WWOX: variants seen among roughly 807,000 people sequenced by gnomAD.
The protein encoded by WWOX is WW domain containing oxidoreductase, also known as WW domain-containing oxidoreductase.
Under a neutral mutation model 46.2 loss-of-function variants are expected in WWOX, and 69 were observed. The observed-to-expected ratio is 1.49, with a 90% confidence interval of 1.23 to 1.82. The LOEUF (loss-of-function observed/expected upper bound fraction) is 1.82. Ranked by LOEUF, WWOX falls within the 40% of genes most tolerant of loss-of-function variation. The pLI, the probability that WWOX is intolerant of heterozygous loss-of-function variation, is 0.00. For missense variants in WWOX, 919 were observed against 542.6 expected (o/e 1.69, Z -6.89); for synonymous variants, 359 against 202.6 (o/e 1.77, Z -6.56).
At chr16:78,615,490 A>T (rs1176966845) in intron 8 of WWOX, among the ~76,000 whole-genome samples, 1 of 151,878 alleles carries the variant, frequency 6.6e-6, no homozygotes, top group Non-Finnish European at 1.5e-5. Context: ...TCTACTATAA[A>T]TTTAAAAATT....
intron 8 of WWOX, among the ~76,000 whole-genome samples, chr16:78,835,446 G>A (rs1261682621): frequency 1.3e-5 from 2 of 152,142 alleles, no homozygotes; most frequent in Non-Finnish European, 2.9e-5. Flanking sequence ...TGTTACAAGC[G>A]CCCATGAGCA....
chr16:78,522,143 T>TAA (rs76799048), intron 8 of WWOX, among the ~76,000 whole-genome samples: 3,894 of 136,636 alleles, frequency 0.028, 103 homozygotes, highest in African/African-American at 0.06. Flanking sequence ...TGGAAGGCTT[T>TAA]AAAAAAAAAA....
At chr16:78,966,327 G>C (rs1218514668) in intron 8 of WWOX, among the ~76,000 whole-genome samples, 1 of 152,096 alleles carries the variant, frequency 6.6e-6, no homozygotes, top group East Asian at 1.9e-4. Flanking sequence ...GGAAAACAGT[G>C]CTTCTTTCCG....
intron 5 of WWOX, among the ~76,000 whole-genome samples, chr16:78,341,923 C>G: frequency 8.6e-6 from 1 of 115,716 alleles, no homozygotes; most frequent in Non-Finnish European, 2.0e-5. Context: ...GAAGACTAGC[C>G]TTGGCAACAT....
intron 8 of WWOX, among the ~76,000 whole-genome samples, chr16:78,445,395 G>T (rs1230363267): frequency 6.6e-6 from 1 of 152,176 alleles, no homozygotes; most frequent in East Asian, 1.9e-4. Context: ...ATATTATTGA[G>T]CATCTAACAT....
chr16:78,769,164 G>T (rs1291612686), intron 8 of WWOX, among the ~76,000 whole-genome samples: 1 of 152,196 alleles, frequency 6.6e-6, no homozygotes, highest in Non-Finnish European at 1.5e-5. Context: ...AGGTTAAATG[G>T]AAATTATGTA....
In WWOX at chr16:78,825,218, T is replaced by A. The variant is rs79831348; in HGVS notation, c.1057-386390T>A. On this transcript the variant is annotated intron_variant, in intron 8 of 8. Transcript: ENST00000566780. ...CGTCTTCTTACTGCACTGTCCTGAC[T>A]TGCTCTAGTGAGATCTAAGAGAGGC... 776 of 207,386 alleles carry A rather than the reference T, an allele frequency of 3.7e-3. 9 individuals are homozygous for A. Among genetic ancestry groups the A allele is most frequent in the African/African-American group, 0.017 (730 of 43,208 alleles). The allele number at this position is 207,386 out of a possible 1,614,324, so 12.8% of individuals were successfully genotyped here.
At chr16:78,108,313 A>AC (rs1164936821) in intron 1 of WWOX, 110 bp from the exon 2 acceptor site, 2 of 1,102,946 alleles carry the variant, frequency 1.8e-6, no homozygotes, top group African/African-American at 3.2e-5. Context: ...TCTTCCCCCT[A>AC]CTTCCTTCTT....
chr16:78,576,664 C>G (rs188158771), intron 8 of WWOX, among the ~76,000 whole-genome samples: 3 of 152,258 alleles, frequency 2.0e-5, no homozygotes, highest in Admixed American at 1.3e-4. Context: ...GAGACCCTGT[C>G]TCTACTCACA....
intron 8 of WWOX, among the ~76,000 whole-genome samples, chr16:78,540,531 A>T (rs968307475): frequency 2.0e-5 from 3 of 152,148 alleles, no homozygotes; most frequent in Admixed American, 2.0e-4. Context: ...GATAAACAAC[A>T]TGTCATTTTA....
At chr16:78,425,184 T>A in intron 7 of WWOX, 129 bp downstream of exon 7, 1 of 1,271,256 alleles carries the variant, frequency 7.9e-7, no homozygotes, top group Non-Finnish European at 1.1e-6. Context: ...TCAGCTTGGC[T>A]CACTTAATTT....
At chr16:78,195,642 C>G (rs765271621) in intron 5 of WWOX, among the ~76,000 whole-genome samples, 2 of 151,766 alleles carry the variant, frequency 1.3e-5, no homozygotes, top group Non-Finnish European at 1.5e-5. Context: ...AGCAACATGA[C>G]GAAACCCTGT....
intron 8 of WWOX, among the ~76,000 whole-genome samples, chr16:78,914,161 C>G: frequency 6.6e-6 from 1 of 152,084 alleles, no homozygotes; most frequent in East Asian, 1.9e-4. Context: ...CTCACAATTT[C>G]TCTATCCCAT....
intron 5 of WWOX, among the ~76,000 whole-genome samples, chr16:78,171,348 A>G (rs1357564444): frequency 6.6e-6 from 1 of 152,190 alleles, no homozygotes; most frequent in East Asian, 1.9e-4. Flanking sequence ...CAGTGACTTT[A>G]TGAGCTGGTA....
chr16:78,796,467 C>T (rs113751010), intron 8 of WWOX, among the ~76,000 whole-genome samples: 40 of 152,342 alleles, frequency 2.6e-4, no homozygotes, highest in African/African-American at 9.1e-4. Flanking sequence ...CAACCAACTG[C>T]AAGGGATTCT....
intron 8 of WWOX, among the ~76,000 whole-genome samples, chr16:78,773,381 C>T (rs548109492): frequency 1.3e-5 from 2 of 152,172 alleles, no homozygotes; most frequent in Admixed American, 1.3e-4. Flanking sequence ...ATGGACCATC[C>T]TCTGGTCCCA....
chr16:78,760,668 C>G (rs149596615), intron 8 of WWOX, among the ~76,000 whole-genome samples: 3 of 152,122 alleles, frequency 2.0e-5, no homozygotes, highest in Non-Finnish European at 4.4e-5. Context: ...CAGCATCAGA[C>G]GGCTTGTCTC....
chr16:78,136,204 G>T lies in WWOX; in HGVS notation c.409+21050G>T, dbSNP rs553004399. 2.9e-4 allele frequency among the ~76,000 whole-genome samples: 44 copies of T among 152,226 alleles called. No individual in the cohort carries two copies. In the South Asian group the frequency reaches 8.1e-3, roughly 28 times the overall value. On this transcript the variant is annotated intron_variant, in intron 4 of 8. Transcript: ENST00000566780. The stretch of plus-strand genomic sequence containing the variant: ...TAAGAAATTACATCTGGGCTAAAAG[G>T]TTCAATAATGATTACTCTTATAATG...
At chr16:78,881,995 G>A (rs944135936) in intron 8 of WWOX, among the ~76,000 whole-genome samples, 10 of 151,858 alleles carry the variant, frequency 6.6e-5, no homozygotes, top group African/African-American at 1.5e-4. Context: ...GTGTGGTGGC[G>A]CATGCCTGTA....
Sources: allele counts gnomAD v4.1 joint callset (sites outside exome capture counted in the v4.1 genomes callset), GRCh38; gene constraint gnomAD v4.1.1; transcripts MANE v1.5; gene names NCBI Gene and HGNC (gene_info 2026-07-23, HGNC 2026-07-21).